Variants in JMJD1C observed in about 807,000 individuals in gnomAD.
JMJD1C encodes jumonji domain-containing protein 1C.
JMJD1C carries 31 observed loss-of-function variants against 245.3 expected under a neutral mutation model. The observed-to-expected ratio is 0.13, with a 90% confidence interval of 0.09 to 0.17. JMJD1C has a LOEUF of 0.17. Among genes scored for constraint, JMJD1C ranks in the 10% least tolerant of loss-of-function variants. The pLI, the probability that JMJD1C is intolerant of heterozygous loss-of-function variation, is 1.00. For missense variants in JMJD1C, 2,691 were observed against 3,000.2 expected (o/e 0.90, Z 2.41); for synonymous variants, 1,057 against 1,017.4 (o/e 1.04, Z -0.74).
chr10:63,327,203 A>G (rs551200431), intron 2 of JMJD1C, among the ~76,000 whole-genome samples: 29 of 152,136 alleles, frequency 1.9e-4, no homozygotes, highest in Non-Finnish European at 3.5e-4. Context: ...ACTAAAACAA[A>G]AAACAGGACA....
intron 1 of JMJD1C, among the ~76,000 whole-genome samples, chr10:63,499,578 T>C (rs1332491353): frequency 6.6e-6 from 1 of 152,052 alleles, no homozygotes; most frequent in East Asian, 1.9e-4. Context: ...CTAGTCCCCA[T>C]AGCAAAGATA....
At chr10:63,504,439 T>G (rs1954655498) in intron 1 of JMJD1C, among the ~76,000 whole-genome samples, 1 of 152,088 alleles carries the variant, frequency 6.6e-6, no homozygotes. Flanking sequence ...CCAATGCAGG[T>G]GAGACAGTTG....
chr10:63,278,031 C>G (rs924810332), intron 2 of JMJD1C, among the ~76,000 whole-genome samples: 10 of 151,544 alleles, frequency 6.6e-5, no homozygotes, highest in African/African-American at 1.7e-4. Context: ...CTGTACCCAG[C>G]CTGCATTTTA....
intron 2 of JMJD1C, among the ~76,000 whole-genome samples, chr10:63,295,997 G>GTATA (rs1859365501): frequency 3.0e-5 from 2 of 67,398 alleles, no homozygotes; most frequent in Non-Finnish European, 5.2e-5. Flanking sequence ...GTGTGTGTGT[G>GTATA]TGTGTGTATA....
At chr10:63,409,513 C>G (rs944953457) in intron 1 of JMJD1C, among the ~76,000 whole-genome samples, 1 of 152,000 alleles carries the variant, frequency 6.6e-6, no homozygotes, top group Non-Finnish European at 1.5e-5. Flanking sequence ...CTAGTAAAAA[C>G]TATATTTTAC....
chr10:63,301,646 C>A, intron 2 of JMJD1C: 1 of 359,312 alleles, frequency 2.8e-6, no homozygotes, highest in Non-Finnish European at 5.5e-6. Context: ...ACATCACAGA[C>A]CAGGGCCTGT....
Position 63,320,846 on chromosome 10 carries a change from T to C in JMJD1C, c.334-56082A>G, listed in dbSNP as rs533712922. Among the ~76,000 whole-genome samples, 15 of 152,242 alleles carry C rather than the reference T, an allele frequency of 9.9e-5. No homozygotes were observed. The East Asian group carries it at 2.3e-3, about 24-fold the overall frequency. ...ACTCTTTTGTTCTAATGAGGCAATC[T>C]TGGTGGGCTTCTAGATAGCCCCAGG... On this transcript the variant is annotated intron_variant, in intron 2 of 25. Coordinates refer to ENST00000399262, the MANE Select transcript of JMJD1C (RefSeq NM_032776.3).
At chr10:63,394,204 G>A (rs72835398) in intron 1 of JMJD1C, among the ~76,000 whole-genome samples, 3,694 of 98,530 alleles carry the variant, frequency 0.037, 77 homozygotes, top group African/African-American at 0.057. Flanking sequence ...AAAAAAAAAA[G>A]GCTACAATAA....
At chr10:63,288,011 C>G (rs1858188927) in intron 2 of JMJD1C, among the ~76,000 whole-genome samples, 1 of 152,142 alleles carries the variant, frequency 6.6e-6, no homozygotes. Context: ...TCCCAAAGAG[C>G]TGCGATTACA....
At chr10:63,309,690 G>A (rs181081373) in intron 2 of JMJD1C, among the ~76,000 whole-genome samples, 5 of 152,012 alleles carry the variant, frequency 3.3e-5, no homozygotes, top group East Asian at 1.9e-4. Context: ...AGGCCAAGGC[G>A]AGCGGATCAC....
chr10:63,465,991 C>A (rs578065500), upstream of JMJD1C: 2 of 301,274 alleles, frequency 6.6e-6, no homozygotes, highest in African/African-American at 2.2e-5. Flanking sequence ...CCGTCTCCCT[C>A]CCCGGGCAGC....
intron 2 of JMJD1C, among the ~76,000 whole-genome samples, chr10:63,336,563 A>T (rs1315071682): frequency 6.6e-6 from 1 of 152,224 alleles, no homozygotes; most frequent in Non-Finnish European, 1.5e-5. Context: ...GCTATTTCCT[A>T]GGATACTTTA....
intron 2 of JMJD1C, chr10:63,269,361 T>G: frequency 4.3e-6 from 1 of 234,152 alleles, no homozygotes; most frequent in Non-Finnish European, 7.0e-6. Context: ...GCTGCGGCCA[T>G]AGAGACTGGC....
chr10:63,380,349 G>A lies in JMJD1C; in HGVS notation c.302C>T (p.Ser101Leu). The A allele has an allele frequency of 6.2e-7, 1 of 1,613,966 alleles. No homozygotes were observed. The highest frequency in any genetic ancestry group is 8.5e-7 in the Non-Finnish European group (1 of 1,179,948). The change falls in exon 2 of 26, where the codon TCA becomes TTA. Residue 101 changes from serine (S) to leucine (L), a missense_variant. Coordinates refer to ENST00000399262, the MANE Select transcript of JMJD1C (RefSeq NM_032776.3). Reference sequence around the variant, plus strand: ...AGGCCACTGAATCTGTTTGCTCTTTGATCCCTGAGTCTGGCTAGGGTCATT... The same window carrying A: ...AGGCCACTGAATCTGTTTGCTCTTTAATCCCTGAGTCTGGCTAGGGTCATT... ...KRNDPSQTQG[S>L]KSKQIQWPAL... is the part of the protein sequence containing the mutation.
At chr10:63,327,115 A>T (rs1941608274) in intron 2 of JMJD1C, among the ~76,000 whole-genome samples, 1 of 152,138 alleles carries the variant, frequency 6.6e-6, no homozygotes. Context: ...TGAGCCCAGG[A>T]GGCTGATGCT....
chr10:63,192,984 G>T lies in JMJD1C; in HGVS notation c.6030C>A (p.His2010Gln), dbSNP rs780160540. 3.1e-6 allele frequency: 5 copies of T among 1,613,930 alleles called. No homozygotes were observed. The highest frequency in any genetic ancestry group is 3.4e-6 in the Non-Finnish European group (4 of 1,180,002). The change falls in exon 16 of 26, where the codon CAC (histidine) becomes CAA (glutamine). Residue 2010 changes from histidine (H) to glutamine (Q), a missense_variant. By Grantham distance (24) the His-to-Gln change is conservative. This residue lies in a region of JMJD1C where 275 missense variants were observed against 285.5 expected (regional missense o/e 0.96). Transcript: ENST00000399262. ...TTTGCTCTGCAAGATCTGCTAACCAGTGCAGTGGTGACTGGGATTCTGGAG... is the reference window on the plus strand; with the variant it reads ...TTTGCTCTGCAAGATCTGCTAACCATTGCAGTGGTGACTGGGATTCTGGAG... ...LTPPESQSPLHWLADLAEQKA... is the reference protein window; with the variant it reads ...LTPPESQSPLQWLADLAEQKA...
chr10:63,457,388 G>A (rs1287235438), intron 1 of JMJD1C, among the ~76,000 whole-genome samples: 4 of 152,114 alleles, frequency 2.6e-5, no homozygotes, highest in African/African-American at 7.2e-5. Flanking sequence ...ACCCACACAC[G>A]GGACATTCAT....
At chr10:63,410,545 A>G (rs185584339) in intron 1 of JMJD1C, among the ~76,000 whole-genome samples, 90 of 152,346 alleles carry the variant, frequency 5.9e-4, no homozygotes, top group Admixed American at 4.9e-3. Flanking sequence ...ATCCAGAGAC[A>G]TAATTATTAA....
chr10:63,228,011 C>T (rs1279038334), intron 3 of JMJD1C, among the ~76,000 whole-genome samples: 1 of 152,128 alleles, frequency 6.6e-6, no homozygotes, highest in Non-Finnish European at 1.5e-5. Context: ...TACAGGGGTG[C>T]TCAAAAAGCA....
Sources: gnomAD v4.1 joint callset for allele counts (sites outside exome capture counted in the v4.1 genomes callset) on GRCh38, gnomAD v4.1.1 for gene constraint, gnomAD v4.1.1 regional missense constraint, MANE v1.5 for transcripts, NCBI Gene and HGNC (gene_info 2026-07-23, HGNC 2026-07-21) for gene names.